Variants in CSNK1D observed in about 807,000 individuals in gnomAD.
CSNK1D encodes the protein casein kinase I isoform delta.
CSNK1D carries 16 observed loss-of-function variants against 46.6 expected under a neutral mutation model. The observed-to-expected ratio is 0.34, with a 90% CI of 0.23 to 0.52. The LOEUF (loss-of-function observed/expected upper bound fraction) is 0.52. Among genes scored for constraint, CSNK1D ranks in the 20% least tolerant of loss-of-function variants. The pLI, the probability that CSNK1D is intolerant of heterozygous loss-of-function variation, is 0.95. For synonymous variants in CSNK1D, 276 were observed against 228.2 expected (o/e 1.21, Z -1.89); for missense variants, 398 against 578.4 (o/e 0.69, Z 3.20).
rs147461419 is a variant in CSNK1D, at chr17:82,264,708, A to C, written c.187+978T>G. 3.9e-3 allele frequency among the ~76,000 whole-genome samples: 591 copies of C among 152,222 alleles called. 2 individuals carry two copies. Among genetic ancestry groups the C allele is most frequent in the South Asian group, 0.028 (135 of 4,824 alleles). On this transcript the variant is annotated intron_variant, in intron 2 of 8. Transcript: ENST00000314028. ...ATCACACATCAGGAAGGCCCCACTG[A>C]GCAACACACGTGCCACTGGCAACAG...
At chr17:82,266,149 C>T (rs972786413) in intron 1 of CSNK1D, among the ~76,000 whole-genome samples, 11 of 152,340 alleles carry the variant, frequency 7.2e-5, no homozygotes, top group African/African-American at 2.6e-4. Flanking sequence ...CCCAGACAGC[C>T]TGTGGTAGAG....
chr17:82,247,327 C>CCAAGGCCG, intron 8 of CSNK1D: 2 of 985,484 alleles, frequency 2.0e-6, no homozygotes, highest in Non-Finnish European at 2.4e-6. Flanking sequence ...CCAGGTGCCG[C>CCAAGGCCG]CAAGGCCGTG....
Position 82,247,960 on chromosome 17 carries a change from G to A in CSNK1D, c.1197+915C>T, listed in dbSNP as rs369846659. Reference sequence around the variant, plus strand: ...TGCTCCCCACTCCGGCATGTTCCTGGCTAGCCAGCTACACCCAGCCCCGCT... The same window carrying A: ...TGCTCCCCACTCCGGCATGTTCCTGACTAGCCAGCTACACCCAGCCCCGCT... On this transcript the variant is annotated intron_variant, in intron 8 of 8. Transcript: ENST00000314028. The A allele has an allele frequency of 5.2e-5, 51 of 985,460 alleles. No individual in the cohort carries two copies. The East Asian group carries it at 2.5e-3, about 48-fold the overall frequency. 61.0% of individuals were successfully genotyped at this position (985,460 alleles called of 1,614,324 possible).
In CSNK1D at chr17:82,243,363, C is replaced by T. The variant is rs187064536; in HGVS notation, c.*1418G>A. On this transcript the variant is annotated 3_prime_UTR_variant, in exon 9 of 9. Transcript: ENST00000314028. The stretch of plus-strand genomic sequence containing the variant: ...GTGCCCACGAACACAGACTGCCCTG[C>T]GCATTGGGGTTGGGAGCACATGGCC... 6 of 985,458 alleles carry T rather than the reference C, an allele frequency of 6.1e-6. No individual in the cohort carries two copies. Among genetic ancestry groups the T allele is most frequent in the South Asian group, 4.7e-5 (1 of 21,296 alleles). The allele number at this position is 985,458 out of a possible 1,614,324, so 61.0% of individuals were successfully genotyped here. A position where few individuals can be genotyped will look rare whatever the true frequency, so the allele number is the denominator to read the frequency against.
In CSNK1D at chr17:82,251,107, T is replaced by C. The variant is rs2050997035; in HGVS notation, c.885+272A>G. On this transcript the variant is annotated intron_variant, in intron 6 of 8. Transcript: ENST00000314028. This position sits in a 1 kb window ranked among gnomAD's most constrained non-coding sequence, Gnocchi z 4.5. ...GGCATGCTCTGGGCCCTAGCTCCGC[T>C]TGGTGACAGGGAGGGAAGGGGCCTC... The C allele has an allele frequency of 1.1e-5, 5 of 467,490 alleles. No individual in the cohort carries two copies. In the East Asian group the frequency reaches 2.1e-4, roughly 20 times the overall value. The allele number at this position is 467,490 out of a possible 1,614,324, so 29.0% of individuals were successfully genotyped here. A position where few individuals can be genotyped will look rare whatever the true frequency, so the allele number is the denominator to read the frequency against.
Position 82,273,478 on chromosome 17 carries a change from T to A in CSNK1D, c.-97A>T. ...CTGCTGCCGCTACTGCGGGTCCGGCTCCCGGCTCCGCCCCCCTCACGGCCC... is the reference window on the plus strand; with the variant it reads ...CTGCTGCCGCTACTGCGGGTCCGGCACCCGGCTCCGCCCCCCTCACGGCCC... On this transcript the variant is annotated 5_prime_UTR_variant, in exon 1 of 9. Coordinates refer to ENST00000314028, the MANE Select transcript of CSNK1D (RefSeq NM_001893.6). The surrounding 1 kb of genome is among the most constrained non-coding windows in gnomAD (Gnocchi z 5.1). The A allele has an allele frequency of 6.9e-7, 1 of 1,455,122 alleles. No homozygotes were observed. The highest frequency in any genetic ancestry group is 9.4e-7 in the Non-Finnish European group (1 of 1,063,482). 90.1% of individuals were successfully genotyped at this position (1,455,122 alleles called of 1,614,324 possible). A position where few individuals can be genotyped will look rare whatever the true frequency, so the allele number is the denominator to read the frequency against.
At position 82,252,980 on chromosome 17, in the gene CSNK1D, C is replaced by T; in HGVS notation, c.565+36G>A. ...GCTGAGGCATGGACGCGCCCAAAGG[C>T]ACCCCAGGTCAGTGACCCCATGCCC... On this transcript the variant is annotated intron_variant, in intron 4 of 8. Transcript: ENST00000314028. This position sits in a 1 kb window ranked among gnomAD's most constrained non-coding sequence, Gnocchi z 4.6. 1.9e-6 allele frequency: 3 copies of T among 1,593,556 alleles called. No homozygotes were observed.
chr17:82,253,217 TTGAA>T lies in CSNK1D; in HGVS notation c.360_363del (p.His120GlnfsTer9). On this transcript the variant is annotated frameshift_variant, in exon 4 of 9. Transcript: ENST00000314028. LOFTEE classifies it high-confidence loss of function. ...TTCACATCCCGGTGGATGAAGTTCT[TTGAA>T]TGAATGTATTCGATGCGACTGATCT... The T allele has an allele frequency of 6.2e-7, 1 of 1,614,052 alleles. No homozygotes were observed. Among genetic ancestry groups the T allele is most frequent in the Non-Finnish European group, 8.5e-7 (1 of 1,179,978 alleles).
rs1028773731 is a variant in CSNK1D, at chr17:82,248,515, C to T, written c.1197+360G>A. The T allele has an allele frequency of 8.9e-7, 1 of 1,127,294 alleles. No homozygotes were observed. Among genetic ancestry groups the T allele is most frequent in the Non-Finnish European group, 1.1e-6 (1 of 913,752 alleles). 69.8% of individuals were successfully genotyped at this position (1,127,294 alleles called of 1,614,324 possible). A position where few individuals can be genotyped will look rare whatever the true frequency, so the allele number is the denominator to read the frequency against. On this transcript the variant is annotated intron_variant, in intron 8 of 8. Coordinates refer to ENST00000314028, the MANE Select transcript of CSNK1D (RefSeq NM_001893.6). This position sits in a 1 kb window ranked among gnomAD's most constrained non-coding sequence, Gnocchi z 4.1. ...GAAGAATGAGGAAGGCTCCCTCGGG[C>T]TGGGGGCACCCACAATGGGGCGCAA...
At chr17:82,239,621 G>A, downstream of CSNK1D, 1 of 249,780 alleles carries the variant, frequency 4.0e-6, no homozygotes, top group Non-Finnish European at 7.6e-6. Flanking sequence ...AGCAGGGGCA[G>A]GCGCTGCATG....
At chr17:82,266,914 GC>G (rs1338348847) in intron 1 of CSNK1D, 4 of 152,168 alleles carry the variant, frequency 2.6e-5, no homozygotes, top group Non-Finnish European at 5.9e-5. Flanking sequence ...CAAAAAATTA[GC>G]TGGGCATGGT....
chr17:82,269,938 A>C lies in CSNK1D; in HGVS notation c.76+3368T>G, dbSNP rs545126696. On this transcript the variant is annotated intron_variant, in intron 1 of 8. Coordinates refer to ENST00000314028, the MANE Select transcript of CSNK1D (RefSeq NM_001893.6). ...TTATTTCCAGTGGTACTCTGCCAGC[A>C]TAAGTGAAAGAACTTCTGGTTTATG... is the stretch of plus-strand genomic sequence containing the variant. Among the ~76,000 whole-genome samples, 52 of 152,380 alleles carry C rather than the reference A, an allele frequency of 3.4e-4. No individual in the cohort carries two copies. In the South Asian group the frequency reaches 0.01, roughly 30 times the overall value.
At position 82,248,900 on chromosome 17, in the gene CSNK1D, T is replaced by C. The variant is rs761681213; in HGVS notation, c.1172A>G (p.Asp391Gly). Residue 391 changes from aspartate to glycine, a missense_variant, in exon 8 of 9, where the codon GAT becomes GGT. By Grantham distance (94) the Asp-to-Gly change is moderately conservative (BLOSUM62 -1). Coordinates refer to ENST00000314028, the MANE Select transcript of CSNK1D (RefSeq NM_001893.6). The surrounding 1 kb of genome is among the most constrained non-coding windows in gnomAD (Gnocchi z 4.1). Reference protein sequence around the residue: ...ISSSDLTGRQDTSRMSTSQIP... With the variant: ...ISSSDLTGRQGTSRMSTSQIP... ...CTGTGAGGTGGACATGCGAGAGGTA[T>C]CTTGTCGGCCTGTGAGGTCGGACGA... The C allele has an allele frequency of 3.1e-6, 5 of 1,610,612 alleles. No homozygotes were observed. Among genetic ancestry groups the C allele is most frequent in the Non-Finnish European group, 4.2e-6 (5 of 1,178,298 alleles).
Position 82,255,624 on chromosome 17 carries a change from A to T in CSNK1D, c.188-47T>A, listed in dbSNP as rs764625001. 2.5e-6 allele frequency: 4 copies of T among 1,610,920 alleles called. No homozygotes were observed. In the East Asian group the frequency reaches 6.7e-5, roughly 27 times the overall value. ...AGTGTTTCAGTCCAGGCCCTGCCTC[A>T]GCTCCACACTAAGTCTGCACTGTGC... On this transcript the variant is annotated intron_variant, in intron 2 of 8. Transcript: ENST00000314028. The surrounding 1 kb of genome is among the most constrained non-coding windows in gnomAD (Gnocchi z 5.9).
intron 1 of CSNK1D, chr17:82,272,944 C>A: frequency 6.3e-6 from 1 of 158,772 alleles, no homozygotes; most frequent in African/African-American, 2.5e-5. Context: ...CCCGCCTCCC[C>A]ACGCCCCACC....
At position 82,243,569 on chromosome 17, in the gene CSNK1D, C is replaced by G; in HGVS notation, c.*1212G>C. 1.0e-6 allele frequency: 1 copy of G among 985,482 alleles called. No homozygotes were observed. Among genetic ancestry groups the G allele is most frequent in the East Asian group, 1.1e-4 (1 of 8,812 alleles). 61.0% of individuals were successfully genotyped at this position (985,482 alleles called of 1,614,324 possible). ...AACAGACACGCGCCCAACAGAAGGT[C>G]ACAGCGCAGACTCTACTTTCTGGCC... is the stretch of plus-strand genomic sequence containing the variant. On this transcript the variant is annotated 3_prime_UTR_variant, in exon 9 of 9. Coordinates refer to ENST00000314028, the MANE Select transcript of CSNK1D (RefSeq NM_001893.6).
At chr17:82,245,842 G>T in intron 8 of CSNK1D, 1 of 904,624 alleles carries the variant, frequency 1.1e-6, no homozygotes, top group South Asian at 1.4e-5. Context: ...AAGAAGAACA[G>T]AGCAGAAGAA....
chr17:82,247,577 G>A lies in CSNK1D; in HGVS notation c.1197+1298C>T, dbSNP rs1452717106. 3 of 985,358 alleles carry A rather than the reference G, an allele frequency of 3.0e-6. No homozygotes were observed. In the African/African-American group the frequency reaches 5.2e-5, roughly 17 times the overall value. 61.0% of individuals were successfully genotyped at this position (985,358 alleles called of 1,614,324 possible). A position where few individuals can be genotyped will look rare whatever the true frequency, so the allele number is the denominator to read the frequency against. On this transcript the variant is annotated intron_variant, in intron 8 of 8. Transcript: ENST00000314028. ...TGTACCATGGTTCAGGGGCTACAGA[G>A]CCAGCCGCACATCAAGACACGAGGG... is the stretch of plus-strand genomic sequence containing the variant.
At chr17:82,240,039 G>C, downstream of CSNK1D, 1 of 1,233,820 alleles carries the variant, frequency 8.1e-7, no homozygotes, top group Non-Finnish European at 1.0e-6. Flanking sequence ...CGTGCAGCCG[G>C]AGAGATGCCA....
Sources: gnomAD v4.1 joint callset for allele counts (sites outside exome capture counted in the v4.1 genomes callset) on GRCh38, gnomAD v4.1.1 for gene constraint, Gnocchi (gnomAD v3.1) non-coding constraint, MANE v1.5 for transcripts, NCBI Gene and HGNC (gene_info 2026-07-23, HGNC 2026-07-21) for gene names.